The following GAS7 variants were observed in gnomAD, a reference collection of about 807,000 sequenced individuals.
GAS7 encodes growth arrest specific 7, also known as growth arrest-specific protein 7.
Under a neutral mutation model 71.1 loss-of-function variants are expected in GAS7, and 28 were observed. That is an observed-to-expected ratio of 0.39 (90% CI 0.29 to 0.54). The LOEUF (loss-of-function observed/expected upper bound fraction) is 0.54, where lower values mean the gene tolerates loss of function less well. Ranked by LOEUF, GAS7 falls within the 20% of genes least tolerant of loss-of-function variation. The pLI, the probability that GAS7 is intolerant of heterozygous loss-of-function variation, is 0.62. For synonymous variants in GAS7, 258 were observed against 245.8 expected (o/e 1.05, Z -0.46); for missense variants, 436 against 627.8 (o/e 0.69, Z 3.27).
intron 1 of GAS7, among the ~76,000 whole-genome samples, chr17:10,031,443 T>C (rs766336585): frequency 2.0e-5 from 3 of 152,174 alleles, no homozygotes. Context: ...CAAGGATTGA[T>C]GAAAAGATTT....
rs1412141827 is a variant in GAS7, at chr17:9,917,183, C to T, written c.*45G>A. 3 of 1,182,526 alleles carry T rather than the reference C, an allele frequency of 2.5e-6. No individual in the cohort carries two copies. Among genetic ancestry groups the T allele is most frequent in the Admixed American group, 3.4e-5 (2 of 59,428 alleles). 73.3% of individuals were successfully genotyped at this position (1,182,526 alleles called of 1,614,324 possible). ...CGGCATGGGCCCCATGGTGGGAGCC[C>T]AGCCCCCCTCCCCAGCAGGACCCCC... On this transcript the variant is annotated 3_prime_UTR_variant, in exon 14 of 14. Transcript: ENST00000432992.
chr17:10,099,077 G>A (rs186088483), intron 1 of GAS7, among the ~76,000 whole-genome samples: 227 of 152,334 alleles, frequency 1.5e-3, no homozygotes, highest in South Asian at 7.7e-3. Context: ...CTAGTAGCAG[G>A]ACTTTCTCTA....
chr17:10,069,893 T>G (rs559041846), intron 1 of GAS7, among the ~76,000 whole-genome samples: 1 of 152,246 alleles, frequency 6.6e-6, no homozygotes, highest in East Asian at 1.9e-4. Flanking sequence ...CACCAAGCAA[T>G]GTTATTCAAT....
intron 1 of GAS7, among the ~76,000 whole-genome samples, chr17:10,170,636 G>T (rs1158811872): frequency 6.6e-6 from 1 of 152,092 alleles, no homozygotes; most frequent in African/African-American, 2.4e-5. Flanking sequence ...CTTGCTATCT[G>T]TCACCCCTAA....
intron 1 of GAS7, among the ~76,000 whole-genome samples, chr17:10,088,353 G>C (rs978426984): frequency 1.3e-5 from 2 of 152,088 alleles, no homozygotes; most frequent in African/African-American, 4.8e-5. Context: ...GAGGGATAGA[G>C]GGGCAGGTAC....
intron 1 of GAS7, among the ~76,000 whole-genome samples, chr17:10,196,502 C>G (rs1372092066): frequency 6.6e-6 from 1 of 152,176 alleles, no homozygotes; most frequent in Non-Finnish European, 1.5e-5. Flanking sequence ...TTGTATATGC[C>G]AGAGGATGGG....
intron 1 of GAS7, among the ~76,000 whole-genome samples, chr17:10,053,518 G>A (rs528822325): frequency 1.3e-5 from 2 of 152,280 alleles, no homozygotes; most frequent in Admixed American, 6.5e-5. Context: ...CCCTGGAGAA[G>A]CCCTTGTTTG....
chr17:9,985,251 G>A (rs933005365), intron 2 of GAS7, among the ~76,000 whole-genome samples: 1 of 152,142 alleles, frequency 6.6e-6, no homozygotes, highest in Non-Finnish European at 1.5e-5. Flanking sequence ...TTCGCCGGAG[G>A]TCACTTCACA....
intron 1 of GAS7, among the ~76,000 whole-genome samples, chr17:10,093,999 G>T (rs2073615915): frequency 6.6e-6 from 1 of 152,170 alleles, no homozygotes; most frequent in Admixed American, 6.5e-5. Context: ...TTAACCCATG[G>T]ACTAAGTGAT....
intron 12 of GAS7, 141 bp from the exon 13 acceptor site, chr17:9,918,240 C>T (rs537096163): frequency 3.2e-6 from 2 of 622,722 alleles, no homozygotes; most frequent in Non-Finnish European, 2.8e-6. Flanking sequence ...AAGAGCGTGC[C>T]CCATATCTAA....
chr17:10,049,910 G>A lies in GAS7; in HGVS notation c.184-30013C>T, dbSNP rs183735409. ...GTTGGGATTACAGGCGTGAGCCACCGCGCCCGGTCTGAAATTAGTTTTACA... is the reference window on the plus strand; with the variant it reads ...GTTGGGATTACAGGCGTGAGCCACCACGCCCGGTCTGAAATTAGTTTTACA... On this transcript the variant is annotated intron_variant, in intron 1 of 13. Transcript: ENST00000432992. Among the ~76,000 whole-genome samples the A allele has an allele frequency of 2.0e-3, 302 of 152,104 alleles. 1 individual carries two copies. Among genetic ancestry groups the A allele is most frequent in the African/African-American group, 7.0e-3 (290 of 41,512 alleles).
At chr17:10,020,155 A>T (rs1216104591) in intron 1 of GAS7, 1 of 379,408 alleles carries the variant, frequency 2.6e-6, no homozygotes, top group African/African-American at 2.0e-5. Context: ...AATGCCATTC[A>T]GCTAATGGAG....
At chr17:10,066,373 T>C (rs1310871606) in intron 1 of GAS7, among the ~76,000 whole-genome samples, 1 of 152,038 alleles carries the variant, frequency 6.6e-6, no homozygotes, top group Non-Finnish European at 1.5e-5. Context: ...AGAGATGGGG[T>C]TTCTCCATGT....
intron 1 of GAS7, among the ~76,000 whole-genome samples, chr17:10,197,401 T>TC (rs1440343826): frequency 8.5e-6 from 1 of 118,268 alleles, no homozygotes; most frequent in African/African-American, 2.5e-5. Flanking sequence ...TCCTGGAAGG[T>TC]CACCCCCCCA....
chr17:10,071,840 A>G lies in GAS7; in HGVS notation c.184-51943T>C, dbSNP rs567481465. The stretch of plus-strand genomic sequence containing the variant: ...GAATCCCAGCTACCTGGGAGGCTAA[A>G]GCAGGAGAATCGCTGGAACCCAGGA... On this transcript the variant is annotated intron_variant, in intron 1 of 13. Transcript: ENST00000432992. Among the ~76,000 whole-genome samples, 633 of 151,676 alleles carry G rather than the reference A, an allele frequency of 4.2e-3. 6 individuals carry two copies. Among genetic ancestry groups the G allele is most frequent in the African/African-American group, 0.014 (587 of 41,372 alleles).
intron 1 of GAS7, among the ~76,000 whole-genome samples, chr17:10,112,902 A>G (rs2073827771): frequency 1.3e-5 from 2 of 152,144 alleles, no homozygotes; most frequent in Admixed American, 6.6e-5. Flanking sequence ...GTGTCATCAC[A>G]AGTAGAAAAT....
chr17:10,184,221 C>A (rs1015718361), intron 1 of GAS7, among the ~76,000 whole-genome samples: 1 of 152,218 alleles, frequency 6.6e-6, no homozygotes, highest in Non-Finnish European at 1.5e-5. Flanking sequence ...CCCTGCCCCC[C>A]AGCCTTTCCA....
At chr17:9,931,148 C>T (rs879430481) in intron 9 of GAS7, among the ~76,000 whole-genome samples, 14 of 152,216 alleles carry the variant, frequency 9.2e-5, no homozygotes, top group East Asian at 1.9e-4. Context: ...GTCTCCCATT[C>T]GCTCAGTCCT....
At chr17:9,951,665 G>A (rs1452477827) in intron 5 of GAS7, among the ~76,000 whole-genome samples, 1 of 147,900 alleles carries the variant, frequency 6.8e-6, no homozygotes, top group African/African-American at 2.5e-5. Flanking sequence ...GCTGAGGCAG[G>A]AGAATCGCTT....
Sources: gnomAD v4.1 joint callset for allele counts (sites outside exome capture counted in the v4.1 genomes callset) on GRCh38, gnomAD v4.1.1 for gene constraint, MANE v1.5 for transcripts, NCBI Gene and HGNC (gene_info 2026-07-23, HGNC 2026-07-21) for gene names.